Variants in ANO4 observed in about 807,000 individuals in gnomAD.
ANO4 encodes the protein anoctamin 4.
ANO4 carries 69 observed loss-of-function variants against 141.9 expected under a neutral mutation model. That is an observed-to-expected ratio of 0.49 (90% confidence interval 0.40 to 0.59). The LOEUF (loss-of-function observed/expected upper bound fraction) is 0.59. Among genes scored for constraint, ANO4 ranks in the 20% least tolerant of loss-of-function variants. The pLI is 0.00. For missense variants in ANO4, 894 were observed against 1,162.2 expected (o/e 0.77, Z 3.36); for synonymous variants, 350 against 394.3 (o/e 0.89, Z 1.33).
chr12:101,106,473 AAAT>A (rs2050445288), intron 22 of ANO4, among the ~76,000 whole-genome samples: 2 of 151,730 alleles, frequency 1.3e-5, no homozygotes. Flanking sequence ...AAAAAATTGT[AAAT>A]AATGATATTA....
Position 101,006,359 on chromosome 12 carries a change from G to A in ANO4, c.735-13675G>A, listed in dbSNP as rs190575632. Among the ~76,000 whole-genome samples, 198 of 152,084 alleles carry A rather than the reference G, an allele frequency of 1.3e-3. 1 individual carries two copies. Among genetic ancestry groups the A allele is most frequent in the African/African-American group, 4.3e-3 (179 of 41,480 alleles). ...ACACCTCACCATTTTGTCTTATTAG[G>A]ATGTTGTGACACATGGGTGAATAAG... is the stretch of plus-strand genomic sequence containing the variant. On this transcript the variant is annotated intron_variant, in intron 8 of 27. Coordinates refer to ENST00000392977, the MANE Select transcript of ANO4 (RefSeq NM_001286615.2).
intron 3 of ANO4, among the ~76,000 whole-genome samples, chr12:100,759,257 G>A (rs2135520573): frequency 6.6e-6 from 1 of 152,284 alleles, no homozygotes; most frequent in South Asian, 2.1e-4. Context: ...TTTTTGTGTG[G>A]TGAGAATGTT....
chr12:100,984,755 CCTT>C (rs1436508799), intron 7 of ANO4, among the ~76,000 whole-genome samples: 14 of 152,188 alleles, frequency 9.2e-5, no homozygotes, highest in African/African-American at 3.4e-4. Flanking sequence ...CCTCTTGCCT[CCTT>C]CTTGCTTCCT....
At chr12:100,980,436 A>G (rs572217027) in intron 7 of ANO4, among the ~76,000 whole-genome samples, 1 of 152,326 alleles carries the variant, frequency 6.6e-6, no homozygotes, top group South Asian at 2.1e-4. Context: ...CAGCTCTGAT[A>G]TTCTAAATTG....
intron 1 of ANO4, among the ~76,000 whole-genome samples, chr12:100,724,299 T>G (rs2031006989): frequency 6.6e-6 from 1 of 152,208 alleles, no homozygotes; most frequent in Non-Finnish European, 1.5e-5. Flanking sequence ...GATTCAAGTA[T>G]TTGAAAGCTT....
At position 100,994,647 on chromosome 12, in the gene ANO4, G is replaced by A. The variant is rs116031376; in HGVS notation, c.734+6977G>A. Among the ~76,000 whole-genome samples, 1,485 of 152,178 alleles carry A rather than the reference G, an allele frequency of 9.8e-3. 18 individuals are homozygous for A. Among genetic ancestry groups the A allele is most frequent in the African/African-American group, 0.034 (1,412 of 41,506 alleles). ...TTTGTAAACACCCATAAAAATTGAG[G>A]TTAAATTAAATACCAGTTCTTAAGA... is the stretch of plus-strand genomic sequence containing the variant. On this transcript the variant is annotated intron_variant, in intron 8 of 27. Coordinates refer to ENST00000392977, the MANE Select transcript of ANO4 (RefSeq NM_001286615.2).
At position 101,127,073 on chromosome 12, in the gene ANO4, A is replaced by T. The variant is rs746874676; in HGVS notation, c.*3A>T. The stretch of plus-strand genomic sequence containing the variant: ...CACACCACAACGAGTGGCCGTGACC[A>T]TGTAGGTGAGAGGTGTGCTCAGCGT... On this transcript the variant is annotated splice_region_variant and 3_prime_UTR_variant, in exon 27 of 28. Coordinates refer to ENST00000392977, the MANE Select transcript of ANO4 (RefSeq NM_001286615.2). 1 of 1,611,272 alleles carries T rather than the reference A, an allele frequency of 6.2e-7. No individual in the cohort carries two copies. Among genetic ancestry groups the T allele is most frequent in the African/African-American group, 1.3e-5 (1 of 74,864 alleles).
chr12:100,906,055 A>C (rs993825472), intron 2 of ANO4, among the ~76,000 whole-genome samples: 19 of 152,214 alleles, frequency 1.2e-4, no homozygotes, highest in African/African-American at 4.6e-4. Flanking sequence ...CTCACATTAA[A>C]AGGGATTTGA....
At chr12:101,017,857 T>C (rs893664162) in intron 8 of ANO4, among the ~76,000 whole-genome samples, 8 of 152,214 alleles carry the variant, frequency 5.3e-5, no homozygotes, top group African/African-American at 1.9e-4. Flanking sequence ...ACATGCCCTG[T>C]GTGTGTATTC....
At chr12:100,997,590 C>G (rs1359613901) in intron 8 of ANO4, among the ~76,000 whole-genome samples, 1 of 151,808 alleles carries the variant, frequency 6.6e-6, no homozygotes, top group East Asian at 1.9e-4. Flanking sequence ...CATTCAAGTT[C>G]AGGGAAAAAG....
intron 11 of ANO4, among the ~76,000 whole-genome samples, chr12:101,040,656 C>T (rs531110377): frequency 7.4e-4 from 113 of 152,188 alleles, no homozygotes; most frequent in Non-Finnish European, 1.4e-3. Context: ...GCAGAACATG[C>T]AGTTTTGTTA....
chr12:101,045,555 G>A (rs2047583212), intron 13 of ANO4, among the ~76,000 whole-genome samples: 1 of 152,210 alleles, frequency 6.6e-6, no homozygotes, highest in South Asian at 2.1e-4. Context: ...TATTAAATCA[G>A]ATTGGCGCTG....
At chr12:100,960,308 G>C (rs771360429) in intron 5 of ANO4, among the ~76,000 whole-genome samples, 1 of 152,000 alleles carries the variant, frequency 6.6e-6, no homozygotes, top group Admixed American at 6.6e-5. Flanking sequence ...AGTTATATCA[G>C]CATTATACCA....
At position 101,045,285 on chromosome 12, in the gene ANO4, A is replaced by G. The variant is rs532376446; in HGVS notation, c.1251+1650A>G. 3.1e-3 allele frequency among the ~76,000 whole-genome samples: 467 copies of G among 152,320 alleles called. 4 individuals carry two copies. Among genetic ancestry groups the G allele is most frequent in the African/African-American group, 0.01 (436 of 41,576 alleles). On this transcript the variant is annotated intron_variant, in intron 13 of 27. Transcript: ENST00000392977. Reference sequence around the variant, plus strand: ...TATTCAGAGACTCAAAGAGGTAAAAATTACTCATGCATGGTCATGCAGCAA... The same window carrying G: ...TATTCAGAGACTCAAAGAGGTAAAAGTTACTCATGCATGGTCATGCAGCAA...
rs184022223 is a variant in ANO4, at chr12:101,029,726, A to G, written c.842-7369A>G. ...GGAAATCAAGACCATCCTGGCCAACATGGTGAAACCCCATCTCTACTAAAA... is the reference window on the plus strand; with the variant it reads ...GGAAATCAAGACCATCCTGGCCAACGTGGTGAAACCCCATCTCTACTAAAA... On this transcript the variant is annotated intron_variant, in intron 9 of 27. Transcript: ENST00000392977. Among the ~76,000 whole-genome samples the G allele has an allele frequency of 4.6e-3, 694 of 152,120 alleles. 2 individuals carry two copies. Among genetic ancestry groups the G allele is most frequent in the Non-Finnish European group, 7.5e-3 (509 of 67,982 alleles).
At chr12:100,850,143 AAAT>A (rs773948603) in intron 1 of ANO4, among the ~76,000 whole-genome samples, 51 of 152,360 alleles carry the variant, frequency 3.3e-4, no homozygotes, top group Non-Finnish European at 4.9e-4. Context: ...TTAATAAATA[AAAT>A]AATAAAATGT....
intron 1 of ANO4, among the ~76,000 whole-genome samples, chr12:100,882,657 G>A (rs774719512): frequency 1.5e-4 from 23 of 151,808 alleles, no homozygotes; most frequent in Non-Finnish European, 2.7e-4. Context: ...TGAGCCTTTG[G>A]CAGTCTTCTG....
intron 5 of ANO4, among the ~76,000 whole-genome samples, chr12:100,957,256 A>G (rs2043208248): frequency 6.6e-6 from 1 of 152,210 alleles, no homozygotes; most frequent in South Asian, 2.1e-4. Flanking sequence ...GACACATGCG[A>G]AGAGAGGCAA....
chr12:100,901,771 A>T lies in ANO4; in HGVS notation c.-15A>T, dbSNP rs771386546. 6.2e-7 allele frequency: 1 copy of T among 1,613,738 alleles called. No homozygotes were observed. Among genetic ancestry groups the T allele is most frequent in the Non-Finnish European group, 8.5e-7 (1 of 1,179,620 alleles). On this transcript the variant is annotated 5_prime_UTR_variant, in exon 2 of 28. Coordinates refer to ENST00000392977, the MANE Select transcript of ANO4 (RefSeq NM_001286615.2). ...CAGGCATTCCTCACTCCCACCAGGCAGAAGGTCAATAAAAATGGAGGCAAG... is the reference window on the plus strand; with the variant it reads ...CAGGCATTCCTCACTCCCACCAGGCTGAAGGTCAATAAAAATGGAGGCAAG...
Sources: gnomAD v4.1 joint callset for allele counts (sites outside exome capture counted in the v4.1 genomes callset) on GRCh38, gnomAD v4.1.1 for gene constraint, MANE v1.5 for transcripts, NCBI Gene and HGNC (gene_info 2026-07-23, HGNC 2026-07-21) for gene names.